The following ATP8B4 variants were observed in gnomAD, a reference collection of about 807,000 sequenced individuals.
ATP8B4 encodes the protein probable phospholipid-transporting ATPase IM.
Under a neutral mutation model 145.6 loss-of-function variants are expected in ATP8B4, and 133 were observed. The observed-to-expected ratio is 0.91, with a 90% CI of 0.79 to 1.05. The LOEUF is 1.05. Ranked by LOEUF, ATP8B4 falls within the 50% of genes least tolerant of loss-of-function variation. The pLI, the probability that ATP8B4 is intolerant of heterozygous loss-of-function variation, is 0.00. For missense variants in ATP8B4, 1,458 were observed against 1,425.2 expected (o/e 1.02, Z -0.37); for synonymous variants, 507 against 492.9 (o/e 1.03, Z -0.38).
intron 1 of ATP8B4, among the ~76,000 whole-genome samples, chr15:50,138,541 T>C (rs934809148): frequency 6.6e-6 from 1 of 152,052 alleles, no homozygotes; most frequent in African/African-American, 2.4e-5. Flanking sequence ...CTAAACACCC[T>C]AAAAGGCACC....
intron 6 of ATP8B4, among the ~76,000 whole-genome samples, chr15:50,025,244 C>T (rs2049917421): frequency 6.6e-6 from 1 of 152,198 alleles, no homozygotes; most frequent in African/African-American, 2.4e-5. Context: ...TTAGCTTCTT[C>T]CCATGCAGCA....
chr15:50,097,408 C>G (rs1330699542), intron 2 of ATP8B4, among the ~76,000 whole-genome samples: 2 of 152,142 alleles, frequency 1.3e-5, no homozygotes, highest in African/African-American at 4.8e-5. Flanking sequence ...ACAATACTTT[C>G]CAAAATGCTG....
intron 15 of ATP8B4, 103 bp downstream of exon 15, chr15:49,933,914 C>G: frequency 8.0e-7 from 1 of 1,246,438 alleles, no homozygotes; most frequent in Non-Finnish European, 1.1e-6. Flanking sequence ...AAACAAGGCT[C>G]ACTGCTCAAA....
At chr15:50,009,452 C>A (rs12910217) in intron 7 of ATP8B4, 60 of 251,194 alleles carry the variant, frequency 2.4e-4, no homozygotes, top group Non-Finnish European at 1.6e-5. Flanking sequence ...CAGCATGGAA[C>A]GGATTTTTGA....
At chr15:50,063,271 C>T (rs980601779) in intron 3 of ATP8B4, among the ~76,000 whole-genome samples, 2 of 151,876 alleles carry the variant, frequency 1.3e-5, no homozygotes, top group South Asian at 2.1e-4. Context: ...GACGCATGGC[C>T]ATGTTCTTCA....
At chr15:50,076,487 TCTC>T (rs2054182831) in intron 2 of ATP8B4, among the ~76,000 whole-genome samples, 5 of 146,372 alleles carry the variant, frequency 3.4e-5, no homozygotes, top group African/African-American at 1.3e-4. Context: ...CAAGACTCCA[TCTC>T]AAAAAAAAAA....
At chr15:50,136,219 A>G (rs2044119794) in intron 1 of ATP8B4, among the ~76,000 whole-genome samples, 1 of 152,190 alleles carries the variant, frequency 6.6e-6, no homozygotes, top group Admixed American at 6.5e-5. Flanking sequence ...TTCTCTCACC[A>G]GTGATTCCAT....
intron 3 of ATP8B4, among the ~76,000 whole-genome samples, chr15:50,073,017 T>C (rs7162956): frequency 0.067 from 2,101 of 31,402 alleles, 112 homozygotes; most frequent in African/African-American, 0.19. Flanking sequence ...TATATATATA[T>C]ATACACACAC....
intron 23 of ATP8B4, chr15:49,895,324 G>C (rs1286999657): frequency 2.6e-5 from 4 of 152,224 alleles, no homozygotes; most frequent in Admixed American, 6.5e-5. Context: ...CAGTTCTAGG[G>C]GCTAGAGCCC....
intron 10 of ATP8B4, 74 bp from the exon 11 acceptor site, chr15:49,981,368 G>A (rs2046139853): frequency 3.6e-6 from 4 of 1,112,562 alleles, no homozygotes; most frequent in South Asian, 3.0e-5. Flanking sequence ...CATATCAAAT[G>A]TCTCTGAAAG....
intron 3 of ATP8B4, among the ~76,000 whole-genome samples, chr15:50,051,353 G>T (rs938885129): frequency 6.6e-6 from 1 of 152,134 alleles, no homozygotes; most frequent in African/African-American, 2.4e-5. Flanking sequence ...AAGTTACCCA[G>T]TCTCAGGTAT....
rs151043074 is a variant in ATP8B4 at position 50,065,110 on chromosome 15, T to TA, written c.87+9016dup. Among the ~76,000 whole-genome samples, 457 of 152,252 alleles carry TA rather than the reference T, an allele frequency of 3.0e-3. 2 individuals carry two copies. Among genetic ancestry groups the TA allele is most frequent in the Non-Finnish European group, 4.7e-3 (321 of 67,992 alleles). ...GAGTAGATTTTAAGTGTTCTCATCATAAAAAAATGATAAGTTATGTGAGAT... is the reference window on the plus strand; with the variant it reads ...GAGTAGATTTTAAGTGTTCTCATCATAAAAAAAATGATAAGTTATGTGAGAT... On this transcript the variant is annotated intron_variant, in intron 3 of 27. Coordinates refer to ENST00000284509, the MANE Select transcript of ATP8B4 (RefSeq NM_024837.4).
At chr15:50,025,045 G>T (rs12591096) in intron 6 of ATP8B4, among the ~76,000 whole-genome samples, 48,719 of 152,034 alleles carry the variant, frequency 0.32, 8,326 homozygotes, top group East Asian at 0.64. Flanking sequence ...TTCTGCTTTT[G>T]CCCCAAGAGG....
At chr15:50,160,626 T>C (rs1169381330) in intron 1 of ATP8B4, among the ~76,000 whole-genome samples, 1 of 152,082 alleles carries the variant, frequency 6.6e-6, no homozygotes, top group Non-Finnish European at 1.5e-5. Context: ...TATTTTTTCA[T>C]TGAGTCACTG....
At chr15:50,161,938 T>G (rs866755072) in intron 1 of ATP8B4, among the ~76,000 whole-genome samples, 4 of 152,234 alleles carry the variant, frequency 2.6e-5, no homozygotes, top group African/African-American at 9.6e-5. Context: ...CTTTTAGCAT[T>G]TCTTGGAGGA....
intron 1 of ATP8B4, among the ~76,000 whole-genome samples, chr15:50,110,075 T>C (rs1254900242): frequency 6.6e-6 from 1 of 152,224 alleles, no homozygotes; most frequent in Admixed American, 6.5e-5. Flanking sequence ...AATAAATCCA[T>C]TTTTCAATTT....
At chr15:49,887,502 A>T (rs2036332880) in intron 23 of ATP8B4, among the ~76,000 whole-genome samples, 1 of 151,904 alleles carries the variant, frequency 6.6e-6, no homozygotes, top group Admixed American at 6.6e-5. Flanking sequence ...ACAAAAAACC[A>T]TTTTCCCTAG....
chr15:50,129,401 G>T (rs543430850), intron 1 of ATP8B4, among the ~76,000 whole-genome samples: 1 of 152,244 alleles, frequency 6.6e-6, no homozygotes, highest in South Asian at 2.1e-4. Flanking sequence ...CCTCTCTTCA[G>T]CTTCTGGTAC....
At chr15:49,994,740 C>A (rs768089059) in intron 9 of ATP8B4, among the ~76,000 whole-genome samples, 2 of 151,970 alleles carry the variant, frequency 1.3e-5, no homozygotes, top group Non-Finnish European at 2.9e-5. Flanking sequence ...CCTAATCCAG[C>A]CTGGCTCCTT....
Sources: gnomAD v4.1 joint callset for allele counts (sites outside exome capture counted in the v4.1 genomes callset) on GRCh38, gnomAD v4.1.1 for gene constraint, MANE v1.5 for transcripts, NCBI Gene and HGNC (gene_info 2026-07-23, HGNC 2026-07-21) for gene names.